The following TENM2 variants were observed in gnomAD, a reference collection of about 807,000 sequenced individuals.
The protein encoded by TENM2 is teneurin-2.
In TENM2, 52 loss-of-function variants were observed where a neutral mutation model predicts 245.2. The ratio of observed to expected loss-of-function variants is 0.21; its 90% confidence interval spans 0.17 to 0.27. The LOEUF (loss-of-function observed/expected upper bound fraction) is 0.27, where lower values mean the gene tolerates loss of function less well. TENM2 is among the 10% of genes least tolerant of loss of function. The pLI is 1.00. For missense variants in TENM2, 3,046 were observed against 3,666.8 expected (o/e 0.83, Z 4.37); for synonymous variants, 1,363 against 1,438.9 (o/e 0.95, Z 1.19).
intron 3 of TENM2, among the ~76,000 whole-genome samples, chr5:167,919,693 G>A (rs1777207134): frequency 6.6e-6 from 1 of 152,186 alleles, no homozygotes; most frequent in Admixed American, 6.5e-5. Flanking sequence ...TGTAGATCTA[G>A]GTCTCACTTC....
intron 12 of TENM2, among the ~76,000 whole-genome samples, chr5:168,127,611 C>T (rs977111428): frequency 8.5e-5 from 13 of 152,048 alleles, no homozygotes; most frequent in African/African-American, 3.1e-4. Context: ...CTCTCTTTTT[C>T]GGCACAGTTG....
At chr5:167,379,229 G>A (rs961893832) in intron 2 of TENM2, among the ~76,000 whole-genome samples, 6 of 152,154 alleles carry the variant, frequency 3.9e-5, no homozygotes, top group African/African-American at 1.4e-4. Flanking sequence ...ATGGATTTAT[G>A]TAAAGCGTAT....
At chr5:168,068,835 C>T (rs900700986) in intron 7 of TENM2, among the ~76,000 whole-genome samples, 43 of 90,182 alleles carry the variant, frequency 4.8e-4, no homozygotes, top group African/African-American at 1.6e-3. Flanking sequence ...TTTCTGTAAT[C>T]TCTGTGTGTT....
At chr5:167,967,507 C>T (rs939529177) in intron 4 of TENM2, among the ~76,000 whole-genome samples, 2 of 152,160 alleles carry the variant, frequency 1.3e-5, no homozygotes, top group African/African-American at 4.8e-5. Flanking sequence ...GTGGAGGTAC[C>T]TAAGGAGAAG....
intron 2 of TENM2, among the ~76,000 whole-genome samples, chr5:167,429,609 T>TCTC (rs1764086920): frequency 1.7e-5 from 1 of 59,602 alleles, no homozygotes; most frequent in Non-Finnish European, 3.8e-5. Flanking sequence ...CTCTCTCTCT[T>TCTC]TTTTTTTTTT....
chr5:167,088,659 C>A, the TENM2 span, among the ~76,000 whole-genome samples: 4 of 147,324 alleles, frequency 2.7e-5, no homozygotes, highest in African/African-American at 9.9e-5. Context: ...GAAAAAAAAA[C>A]AGTTAGAAAG....
intron 2 of TENM2, among the ~76,000 whole-genome samples, chr5:167,845,997 A>G (rs1407411182): frequency 1.3e-5 from 2 of 152,118 alleles, no homozygotes; most frequent in East Asian, 1.9e-4. Context: ...CCTTCACCCC[A>G]TCTTCTTCGC....
intron 5 of TENM2, among the ~76,000 whole-genome samples, chr5:168,016,914 A>G (rs546090338): frequency 1.7e-4 from 26 of 152,346 alleles, no homozygotes; most frequent in Admixed American, 3.9e-4. Flanking sequence ...TGCAAAGTGC[A>G]TGGTACAAAG....
chr5:167,037,883 C>T, the TENM2 span, among the ~76,000 whole-genome samples: 7 of 152,194 alleles, frequency 4.6e-5, no homozygotes, highest in African/African-American at 1.7e-4. Flanking sequence ...GACCCACTCC[C>T]ACTTCCAAAG....
At chr5:168,219,181 T>C (rs1763454756) in intron 23 of TENM2, among the ~76,000 whole-genome samples, 182 bp downstream of exon 25, 2 of 152,230 alleles carry the variant, frequency 1.3e-5, no homozygotes, top group African/African-American at 4.8e-5. Flanking sequence ...TTTGCTCTAA[T>C]GGATCTCTGA....
intron 2 of TENM2, among the ~76,000 whole-genome samples, chr5:167,526,438 G>A (rs1435769709): frequency 6.6e-6 from 1 of 150,870 alleles, no homozygotes; most frequent in Non-Finnish European, 1.5e-5. Flanking sequence ...TAACAGTGGG[G>A]TAATGAGAAT....
chr5:167,768,777 A>G (rs1763209283), intron 2 of TENM2, among the ~76,000 whole-genome samples: 1 of 152,228 alleles, frequency 6.6e-6, no homozygotes, highest in African/African-American at 2.4e-5. Flanking sequence ...ATTAAGTAAG[A>G]TAATAAATGT....
At chr5:167,391,335 A>G (rs1199438149) in intron 2 of TENM2, among the ~76,000 whole-genome samples, 4 of 152,080 alleles carry the variant, frequency 2.6e-5, no homozygotes, top group Non-Finnish European at 5.9e-5. Flanking sequence ...AAGAAAAGCA[A>G]GAGCTCTTGG....
At chr5:167,163,302 G>A in the TENM2 span, among the ~76,000 whole-genome samples, 190 of 152,202 alleles carry the variant, frequency 1.2e-3, no homozygotes, top group Non-Finnish European at 2.1e-3. Context: ...ATGTTGCTCA[G>A]GCTGGTCTTG....
intron 2 of TENM2, among the ~76,000 whole-genome samples, chr5:167,757,182 G>A (rs1007087120): frequency 6.6e-6 from 1 of 151,694 alleles, no homozygotes; most frequent in Non-Finnish European, 1.5e-5. Context: ...ATGGTGGTTT[G>A]CTGCATCCAT....
chr5:167,896,336 G>A (rs1020678340), intron 3 of TENM2, among the ~76,000 whole-genome samples: 1 of 152,218 alleles, frequency 6.6e-6, no homozygotes, highest in African/African-American at 2.4e-5. Context: ...ACACAGATGT[G>A]TCCAGATTTA....
intron 1 of TENM2, among the ~76,000 whole-genome samples, chr5:167,332,671 T>A (rs980860876): frequency 1.3e-5 from 2 of 152,172 alleles, no homozygotes; most frequent in Non-Finnish European, 2.9e-5. Context: ...AGAATTTTAT[T>A]TGCTTGTACT....
intron 2 of TENM2, among the ~76,000 whole-genome samples, chr5:167,638,474 G>T (rs1384713467): frequency 6.6e-6 from 1 of 152,056 alleles, no homozygotes; most frequent in African/African-American, 2.4e-5. Flanking sequence ...AAACTACTGG[G>T]CTGAGCTTCA....
the TENM2 span, among the ~76,000 whole-genome samples, chr5:167,065,366 T>C: frequency 6.6e-6 from 1 of 152,322 alleles, no homozygotes; most frequent in South Asian, 2.1e-4. Context: ...TTTCAAAATA[T>C]TGCAAACACA....
Sources: gnomAD v4.1 joint callset for allele counts (sites outside exome capture counted in the v4.1 genomes callset) on GRCh38, gnomAD v4.1.1 for gene constraint, MANE v1.5 for transcripts, NCBI Gene and HGNC (gene_info 2026-07-23, HGNC 2026-07-21) for gene names.